The following ACSS3 variants were observed in gnomAD, a reference collection of about 807,000 sequenced individuals.
ACSS3 encodes acyl-CoA synthetase short-chain family member 3, mitochondrial.
Under a neutral mutation model 84.2 loss-of-function variants are expected in ACSS3, and 64 were observed. That is an observed-to-expected ratio of 0.76 (90% CI 0.62 to 0.94). The LOEUF (loss-of-function observed/expected upper bound fraction) is 0.94, where lower values mean the gene tolerates loss of function less well. Ranked by LOEUF, ACSS3 falls within the 40% of genes least tolerant of loss-of-function variation. The probability of loss-of-function intolerance (pLI) is 0.00; values close to 1 mark genes in which losing one functional copy is unlikely to be tolerated. For missense variants in ACSS3, 815 were observed against 867.6 expected (o/e 0.94, Z 0.76); for synonymous variants, 317 against 310.1 (o/e 1.02, Z -0.23).
chr12:81,183,107 T>A (rs1362660145), intron 8 of ACSS3, among the ~76,000 whole-genome samples: 3 of 152,180 alleles, frequency 2.0e-5, no homozygotes, highest in Non-Finnish European at 4.4e-5. Flanking sequence ...TTATCCATGC[T>A]GGCAAGGGGA....
chr12:81,161,527 T>G (rs951925090), intron 7 of ACSS3, among the ~76,000 whole-genome samples: 3 of 152,260 alleles, frequency 2.0e-5, no homozygotes, highest in Admixed American at 2.0e-4. Context: ...GTTTGAAAAC[T>G]TCATAGTATT....
intron 8 of ACSS3, among the ~76,000 whole-genome samples, chr12:81,187,830 G>A (rs973029089): frequency 3.3e-5 from 5 of 151,820 alleles, no homozygotes; most frequent in African/African-American, 1.2e-4. Context: ...GCAAGTTGAG[G>A]CTGATAGCAG....
chr12:81,175,581 A>C (rs1216028825), intron 8 of ACSS3, among the ~76,000 whole-genome samples: 2 of 152,178 alleles, frequency 1.3e-5, no homozygotes, highest in African/African-American at 4.8e-5. Context: ...TGCGTATGAG[A>C]AATACTCTAA....
intron 2 of ACSS3, among the ~76,000 whole-genome samples, chr12:81,115,404 T>C (rs1421407236): frequency 6.6e-6 from 1 of 152,152 alleles, no homozygotes. Context: ...AATTTTTTTT[T>C]CCCTGATGAC....
rs574304962 is a variant in ACSS3 at position 81,174,959 on chromosome 12, G to C, written c.1250+20G>C. On this transcript the variant is annotated intron_variant, in intron 8 of 15. Transcript: ENST00000548058. The stretch of plus-strand genomic sequence containing the variant: ...GACAAGGTGACGTTGGGATGCACAG[G>C]GCAAATGACATTAGAAAGTGCAATC... 4 of 1,607,384 alleles carry C rather than the reference G, an allele frequency of 2.5e-6. No individual in the cohort carries two copies. In the Admixed American group the frequency reaches 6.8e-5, roughly 27 times the overall value.
At chr12:81,101,402 A>G (rs1246453620) in intron 1 of ACSS3, among the ~76,000 whole-genome samples, 1 of 152,156 alleles carries the variant, frequency 6.6e-6, no homozygotes, top group African/African-American at 2.4e-5. Context: ...ACATAAAAAT[A>G]CAGACTATCC....
intron 1 of ACSS3, 128 bp downstream of exon 1, chr12:81,078,559 C>A: frequency 1.0e-6 from 1 of 1,001,326 alleles, no homozygotes; most frequent in Non-Finnish European, 1.5e-6. Context: ...GTGTTCAGAC[C>A]CCTCAATTCG....
chr12:81,173,869 T>C (rs2030267004), intron 7 of ACSS3, among the ~76,000 whole-genome samples: 1 of 152,088 alleles, frequency 6.6e-6, no homozygotes. Context: ...CCTTTTAAGG[T>C]TTCAAGAAAT....
At position 81,255,032 on chromosome 12, in the gene ACSS3, A is replaced by C; in HGVS notation, c.*110A>C. On this transcript the variant is annotated 3_prime_UTR_variant, in exon 16 of 16. Transcript: ENST00000548058. ...TTCAGTAGAAATTACTTGCAAAATG[A>C]AATGTGAATTGTAAAACTTGGCCTA... 9.7e-7 allele frequency: 1 copy of C among 1,034,546 alleles called. No homozygotes were observed. The highest frequency in any genetic ancestry group is 1.4e-6 in the Non-Finnish European group (1 of 732,020). 64.1% of individuals were successfully genotyped at this position (1,034,546 alleles called of 1,614,324 possible).
intron 1 of ACSS3, among the ~76,000 whole-genome samples, chr12:81,090,447 G>A (rs990524566): frequency 5.3e-5 from 8 of 151,864 alleles, no homozygotes; most frequent in Non-Finnish European, 8.8e-5. Context: ...TGTGATCTTC[G>A]CAGCAGAATG....
intron 9 of ACSS3, among the ~76,000 whole-genome samples, chr12:81,213,786 C>CTT (rs2032732590): frequency 1.8e-5 from 2 of 113,900 alleles, no homozygotes; most frequent in Non-Finnish European, 3.6e-5. Flanking sequence ...TCCTCCTTCT[C>CTT]TTCTCTTTTC....
intron 13 of ACSS3, among the ~76,000 whole-genome samples, chr12:81,246,038 C>A (rs2033974819): frequency 6.6e-6 from 1 of 152,106 alleles, no homozygotes; most frequent in Non-Finnish European, 1.5e-5. Context: ...TCTTTGCTGG[C>A]AGTTGCCTAA....
intron 1 of ACSS3, among the ~76,000 whole-genome samples, chr12:81,078,832 G>A (rs1016778835): frequency 6.6e-6 from 1 of 152,188 alleles, no homozygotes; most frequent in African/African-American, 2.4e-5. Flanking sequence ...TATGGGGAGG[G>A]AGGGTTAAGA....
chr12:81,145,684 T>C (rs536041149), intron 5 of ACSS3, among the ~76,000 whole-genome samples: 31 of 152,326 alleles, frequency 2.0e-4, no homozygotes, highest in South Asian at 1.2e-3. Flanking sequence ...CTTTTGAATA[T>C]TCACTGAAAT....
At chr12:81,229,404 C>T (rs2033381018) in intron 11 of ACSS3, among the ~76,000 whole-genome samples, 1 of 151,838 alleles carries the variant, frequency 6.6e-6, no homozygotes, top group Non-Finnish European at 1.5e-5. Flanking sequence ...TTTTCACCTT[C>T]AGCATCCTGA....
chr12:81,126,106 T>C (rs1468238679), intron 2 of ACSS3, among the ~76,000 whole-genome samples: 2 of 152,168 alleles, frequency 1.3e-5, no homozygotes, highest in Non-Finnish European at 2.9e-5. Context: ...TGTCTAATAT[T>C]GTTTCTTCAT....
intron 13 of ACSS3, among the ~76,000 whole-genome samples, chr12:81,251,147 G>A (rs1290573464): frequency 1.3e-5 from 2 of 152,126 alleles, no homozygotes; most frequent in African/African-American, 4.8e-5. Flanking sequence ...TACATACTGA[G>A]TGATTCCAAT....
rs1287491011 is a variant in ACSS3 at position 81,257,549 on chromosome 12, G to A, written c.*2627G>A. 4 of 152,018 alleles carry A rather than the reference G, an allele frequency of 2.6e-5. No individual in the cohort carries two copies. The East Asian group carries it at 5.8e-4, about 22-fold the overall frequency. The allele number at this position is 152,018 out of a possible 1,614,324, so 9.4% of individuals were successfully genotyped here. On this transcript the variant is annotated 3_prime_UTR_variant, in exon 16 of 16. Coordinates refer to ENST00000548058, the MANE Select transcript of ACSS3 (RefSeq NM_024560.4). ...AGGATTTCTTACTGTTAAGTTATTG[G>A]AAAATGAAAATATAAAGTGCTTTCA...
chr12:81,199,535 G>T (rs1049610191), intron 9 of ACSS3, 91 bp downstream of exon 9: 69 of 1,474,924 alleles, frequency 4.7e-5, no homozygotes, highest in Non-Finnish European at 6.3e-5. Flanking sequence ...ACGACCAGCA[G>T]ATCAGACACA....
Sources: allele counts gnomAD v4.1 joint callset (sites outside exome capture counted in the v4.1 genomes callset), GRCh38; gene constraint gnomAD v4.1.1; transcripts MANE v1.5; gene names NCBI Gene and HGNC (gene_info 2026-07-23, HGNC 2026-07-21).